Variants in TRIM41 observed in about 807,000 individuals in gnomAD.
TRIM41 encodes the protein E3 ubiquitin-protein ligase TRIM41.
Under a neutral mutation model 60.6 loss-of-function variants are expected in TRIM41, and 21 were observed. The observed-to-expected ratio is 0.35, with a 90% CI of 0.25 to 0.50. The LOEUF (loss-of-function observed/expected upper bound fraction) is 0.50, where lower values mean the gene tolerates loss of function less well. Ranked by LOEUF, TRIM41 falls within the 20% of genes least tolerant of loss-of-function variation. TRIM41 has a pLI of 0.98. For missense variants in TRIM41, 846 were observed against 868.3 expected, an observed-to-expected ratio of 0.97 and a Z score of 0.32; for synonymous variants, 407 against 344.9, an observed-to-expected ratio of 1.18 and a Z score of -2.00.
Position 181,223,978 on chromosome 5 carries a change from C to T in TRIM41, c.-22C>T. The T allele has an allele frequency of 6.3e-7, 1 of 1,592,346 alleles. No homozygotes were observed. The highest frequency in any genetic ancestry group is 1.1e-5 in the South Asian group (1 of 88,834). ...CCCTCGCCCCCCCACCGAACCTCTA[C>T]ACTGGCTGGCTGGACACTAAGATGG... On this transcript the variant is annotated 5_prime_UTR_variant, in exon 1 of 6. Transcript: ENST00000315073.
intron 2 of TRIM41, 133 bp downstream of exon 2, chr5:181,230,972 T>C: frequency 1.4e-6 from 1 of 733,874 alleles, no homozygotes; most frequent in Non-Finnish European, 2.4e-6. Context: ...GGGTAGATGC[T>C]TTCCCTAGGT....
chr5:181,233,759 G>A lies in TRIM41; in HGVS notation c.1287G>A (p.Ala429=), dbSNP rs368524571. 4.7e-5 allele frequency: 76 copies of A among 1,614,052 alleles called. No homozygotes were observed. The highest frequency in any genetic ancestry group is 1.6e-4 in the Middle Eastern group (1 of 6,084). Residue 429 remains alanine, a synonymous_variant, in exon 5 of 6, where the codon GCG becomes GCA. Transcript: ENST00000315073. This position sits in a 1 kb window ranked among gnomAD's most constrained non-coding sequence, Gnocchi z 4.1. ...TGAGCCGGATGTTCTGTCAGGCTGC[G>A]AGAGGTAGGGAGGTCACCTCCACGA... is the stretch of plus-strand genomic sequence containing the variant. The part of the protein sequence containing the change: ...RKMSRMFCQA[A]RVDLTLDPDT...
In TRIM41 at chr5:181,224,347, C is replaced by T. The variant is rs780271793; in HGVS notation, c.348C>T (p.Ser116=). 5.6e-6 allele frequency: 9 copies of T among 1,612,626 alleles called. No homozygotes were observed. In the African/African-American group the frequency reaches 8.0e-5, roughly 14 times the overall value. The change falls in exon 1 of 6, where the codon AGC becomes AGT. Residue 116 remains serine (S), a synonymous_variant. Coordinates refer to ENST00000315073, the MANE Select transcript of TRIM41 (RefSeq NM_033549.5). ...VFWTSGMSRS[S]WDNMDYVWEE... is the part of the protein sequence containing the mutation. ...GGACCAGTGGCATGAGCAGGTCCAG[C>T]TGGGACAACATGGACTATGTGTGGG...
Position 181,226,838 on chromosome 5 carries a change from A to G in TRIM41, c.813+2026A>G, listed in dbSNP as rs374095806. The G allele has an allele frequency of 9.2e-5, 14 of 151,492 alleles. No individual in the cohort carries two copies. The East Asian group carries it at 1.4e-3, about 15-fold the overall frequency. 9.4% of individuals were successfully genotyped at this position (151,492 alleles called of 1,614,324 possible). The stretch of plus-strand genomic sequence containing the variant: ...CCCGTATTAGGTCCTGAAGTAGGTG[A>G]GGAATTAAAAAAAGTCATAATCTCT... On this transcript the variant is annotated intron_variant, in intron 1 of 5. Coordinates refer to ENST00000315073, the MANE Select transcript of TRIM41 (RefSeq NM_033549.5).
In TRIM41 at chr5:181,234,962, C is replaced by G. The variant is rs151121296; in HGVS notation, c.*187C>G. On this transcript the variant is annotated 3_prime_UTR_variant, in exon 6 of 6. Transcript: ENST00000315073. This position sits in a 1 kb window ranked among gnomAD's most constrained non-coding sequence, Gnocchi z 5.6. ...TAAAGAACCCTCCTGGCCTCCAGCT[C>G]AGCCTTCTCTCACCTACTATGTCTG... is the stretch of plus-strand genomic sequence containing the variant. 6.8e-6 allele frequency: 11 copies of G among 1,614,004 alleles called. No individual in the cohort carries two copies. Among genetic ancestry groups the G allele is most frequent in the Non-Finnish European group, 9.3e-6 (11 of 1,180,042 alleles).
rs1285501094 is a variant in TRIM41 at position 181,232,994 on chromosome 5, CCA to C, written c.1140+108_1140+109del. ...TGCCTCTTTTCTCCCTGGGAGGAAC[CCA>C]CAGTGATTGAACCTGAAGACCAAAA... On this transcript the variant is annotated intron_variant, in intron 3 of 5. Coordinates refer to ENST00000315073, the MANE Select transcript of TRIM41 (RefSeq NM_033549.5). 1.8e-5 allele frequency: 21 copies of C among 1,172,862 alleles called. No individual in the cohort carries two copies. The East Asian group carries it at 5.3e-4, about 30-fold the overall frequency. The allele number at this position is 1,172,862 out of a possible 1,614,324, so 72.7% of individuals were successfully genotyped here. A position where few individuals can be genotyped will look rare whatever the true frequency, so the allele number is the denominator to read the frequency against.
In TRIM41 at chr5:181,233,571, T is replaced by C. The variant is rs1321287009; in HGVS notation, c.1164-65T>C. On this transcript the variant is annotated intron_variant, in intron 4 of 5. Transcript: ENST00000315073. The surrounding 1 kb of genome is among the most constrained non-coding windows in gnomAD (Gnocchi z 4.1). ...CTCCTGGACCCTCCTCTCCTTCCCC[T>C]CAGCTTTTGCTTTTCCCTCTGGGAA... is the stretch of plus-strand genomic sequence containing the variant. 6.2e-7 allele frequency: 1 copy of C among 1,609,858 alleles called. No homozygotes were observed. Among genetic ancestry groups the C allele is most frequent in the African/African-American group, 1.3e-5 (1 of 74,716 alleles).
intron 1 of TRIM41, chr5:181,228,933 CAAAAAAAAAAAAA>C (rs34347124): frequency 5.7e-5 from 2 of 35,028 alleles, no homozygotes; most frequent in Non-Finnish European, 6.8e-5. Context: ...GACTCTGTCT[CAAAAAAAAAAAAA>C]AAAAAAAAAA....
At chr5:181,228,545 G>T (rs1354700424) in intron 1 of TRIM41, 1 of 120,576 alleles carries the variant, frequency 8.3e-6, no homozygotes, top group Non-Finnish European at 1.6e-5. Context: ...GCAACACAGC[G>T]AGACTCCCAT....
At position 181,223,773 on chromosome 5, in the gene TRIM41, T is replaced by C; in HGVS notation, c.-227T>C. 1 of 601,776 alleles carries C rather than the reference T, an allele frequency of 1.7e-6. No individual in the cohort carries two copies. Among genetic ancestry groups the C allele is most frequent in the South Asian group, 2.0e-5 (1 of 50,288 alleles). 37.3% of individuals were successfully genotyped at this position (601,776 alleles called of 1,614,324 possible). A position where few individuals can be genotyped will look rare whatever the true frequency, so the allele number is the denominator to read the frequency against. On this transcript the variant is annotated 5_prime_UTR_variant, in exon 1 of 6. Coordinates refer to ENST00000315073, the MANE Select transcript of TRIM41 (RefSeq NM_033549.5). ...CAGAGCCACCTGAGGGACTTGGCGG[T>C]GGCGCCCAGCACTGTCCCCTCCCCT...
Position 181,223,770 on chromosome 5 carries a change from C to A in TRIM41, c.-230C>A. The A allele has an allele frequency of 1.7e-6, 1 of 600,812 alleles. No individual in the cohort carries two copies. Among genetic ancestry groups the A allele is most frequent in the South Asian group, 2.0e-5 (1 of 50,354 alleles). The allele number at this position is 600,812 out of a possible 1,614,324, so 37.2% of individuals were successfully genotyped here. A position where few individuals can be genotyped will look rare whatever the true frequency, so the allele number is the denominator to read the frequency against. On this transcript the variant is annotated 5_prime_UTR_variant, in exon 1 of 6. Coordinates refer to ENST00000315073, the MANE Select transcript of TRIM41 (RefSeq NM_033549.5). ...ACTCAGAGCCACCTGAGGGACTTGG[C>A]GGTGGCGCCCAGCACTGTCCCCTCC...
At position 181,232,644 on chromosome 5, in the gene TRIM41, T is replaced by C. The variant is rs936503470; in HGVS notation, c.910-15T>C. 2.5e-6 allele frequency: 4 copies of C among 1,611,694 alleles called. No individual in the cohort carries two copies. The African/African-American group carries it at 5.3e-5, about 22-fold the overall frequency. On this transcript the variant is annotated splice_polypyrimidine_tract_variant and intron_variant, in intron 2 of 5. Transcript: ENST00000315073. ...TGTTGAGGTGGTGTCTGCCATCCCCTTTGCACCATTCCAGAGCCAGATGAA... is the reference window on the plus strand; with the variant it reads ...TGTTGAGGTGGTGTCTGCCATCCCCCTTGCACCATTCCAGAGCCAGATGAA...
chr5:181,235,505 C>T lies in TRIM41; in HGVS notation c.*730C>T, dbSNP rs1759069234. On this transcript the variant is annotated 3_prime_UTR_variant, in exon 6 of 6. Coordinates refer to ENST00000315073, the MANE Select transcript of TRIM41 (RefSeq NM_033549.5). ...CAGCACTCAACCAAGGAGCAAAGCT[C>T]ATCCCACCCCACACCCCTCCCAGGT... 7.0e-7 allele frequency: 1 copy of T among 1,419,968 alleles called. No individual in the cohort carries two copies. 88.0% of individuals were successfully genotyped at this position (1,419,968 alleles called of 1,614,324 possible).
In TRIM41 at chr5:181,235,752, T is replaced by C. The variant is rs1235291483; in HGVS notation, c.*977T>C. 8.1e-6 allele frequency: 2 copies of C among 247,902 alleles called. No homozygotes were observed. Among genetic ancestry groups the C allele is most frequent in the African/African-American group, 4.4e-5 (2 of 45,602 alleles). The allele number at this position is 247,902 out of a possible 1,614,324, so 15.4% of individuals were successfully genotyped here. ...TGCTTTGATGGCTGAGGTGAACTCA[T>C]GTTCTTTGGGAAAAGGGAAGGCGTG... On this transcript the variant is annotated 3_prime_UTR_variant, in exon 6 of 6. Coordinates refer to ENST00000315073, the MANE Select transcript of TRIM41 (RefSeq NM_033549.5).
In TRIM41 at chr5:181,234,753, C is replaced by T; in HGVS notation, c.1871C>T (p.Thr624Ile). ...TTCTTCCGGGTGCTCTCCAAGGGCA[C>T]CCGCATCAAGCTCTGCCCTTGATTA... ...FPFFRVLSKG[T>I]RIKLCP Residue 624 changes from threonine (T) to isoleucine (I), a missense_variant, in exon 6 of 6, where the codon ACC (threonine) becomes ATC (isoleucine). By Grantham distance (89) the Thr-to-Ile change is moderately conservative. Coordinates refer to ENST00000315073, the MANE Select transcript of TRIM41 (RefSeq NM_033549.5). The surrounding 1 kb of genome is among the most constrained non-coding windows in gnomAD (Gnocchi z 5.6). 5 of 1,612,922 alleles carry T rather than the reference C, an allele frequency of 3.1e-6. No individual in the cohort carries two copies. Among genetic ancestry groups the T allele is most frequent in the South Asian group, 2.2e-5 (2 of 91,012 alleles).
Position 181,234,141 on chromosome 5 carries a change from G to C in TRIM41, c.1292-33G>C. 6.2e-7 allele frequency: 1 copy of C among 1,603,548 alleles called. No individual in the cohort carries two copies. The highest frequency in any genetic ancestry group is 8.5e-7 in the Non-Finnish European group (1 of 1,179,848). On this transcript the variant is annotated intron_variant, in intron 5 of 5. Coordinates refer to ENST00000315073, the MANE Select transcript of TRIM41 (RefSeq NM_033549.5). This position sits in a 1 kb window ranked among gnomAD's most constrained non-coding sequence, Gnocchi z 5.6. ...TGCTGACAGGGGAACAGCCGTTCCA[G>C]CCCTGGCGTATTTGTCCTCCCTCCC... is the stretch of plus-strand genomic sequence containing the variant.
Position 181,224,479 on chromosome 5 carries a change from T to C in TRIM41, c.480T>C (p.Val160=). 6.2e-7 allele frequency: 1 copy of C among 1,613,256 alleles called. No individual in the cohort carries two copies. Residue 160 remains valine, a synonymous_variant, in exon 1 of 6, where the codon GTT becomes GTC. Coordinates refer to ENST00000315073, the MANE Select transcript of TRIM41 (RefSeq NM_033549.5). ...EEDEEEVLEE[V]EEEDLDPVTP... ...ACGAGGAGGAAGTGCTGGAGGAGGT[T>C]GAGGAAGAGGATCTAGACCCCGTCA...
chr5:181,234,778 A>T lies in TRIM41; in HGVS notation c.*3A>T. On this transcript the variant is annotated 3_prime_UTR_variant, in exon 6 of 6. Coordinates refer to ENST00000315073, the MANE Select transcript of TRIM41 (RefSeq NM_033549.5). The surrounding 1 kb of genome is among the most constrained non-coding windows in gnomAD (Gnocchi z 5.6). ...CCCGCATCAAGCTCTGCCCTTGATT[A>T]TCCTGCCACCCGCAGGGGCCCCTCT... The T allele has an allele frequency of 6.2e-7, 1 of 1,608,548 alleles. No individual in the cohort carries two copies. The highest frequency in any genetic ancestry group is 8.5e-7 in the Non-Finnish European group (1 of 1,176,972).
Position 181,223,929 on chromosome 5 carries a change from G to A in TRIM41, c.-71G>A, listed in dbSNP as rs1304010450. On this transcript the variant is annotated 5_prime_UTR_variant, in exon 1 of 6. Transcript: ENST00000315073. ...GCTGGGGGTGGAGCCGGGTCGCCAG[G>A]GCGTCGGTAGGGAAGACCCCCGCCC... The A allele has an allele frequency of 1.8e-5, 27 of 1,505,996 alleles. No individual in the cohort carries two copies. Among genetic ancestry groups the A allele is most frequent in the Non-Finnish European group, 2.1e-5 (23 of 1,118,998 alleles). 93.3% of individuals were successfully genotyped at this position (1,505,996 alleles called of 1,614,324 possible).
Sources: allele counts gnomAD v4.1 joint callset, GRCh38; gene constraint gnomAD v4.1.1; non-coding constraint Gnocchi (gnomAD v3.1); transcripts MANE v1.5; gene names NCBI Gene and HGNC (gene_info 2026-07-23, HGNC 2026-07-21).